Variants in EIF4ENIF1 observed in about 807,000 individuals in gnomAD.
The protein encoded by EIF4ENIF1 is eukaryotic translation initiation factor 4E transporter.
EIF4ENIF1 carries 23 observed loss-of-function variants against 110.5 expected under a neutral mutation model. The observed-to-expected ratio is 0.21, with a 90% confidence interval of 0.15 to 0.29. The LOEUF (loss-of-function observed/expected upper bound fraction) is 0.29, where lower values mean the gene tolerates loss of function less well. Among genes scored for constraint, EIF4ENIF1 ranks in the 10% least tolerant of loss-of-function variants. EIF4ENIF1 has a pLI of 1.00. For synonymous variants in EIF4ENIF1, 440 were observed against 437.0 expected, an observed-to-expected ratio of 1.01 and a Z score of -0.09; for missense variants, 1,031 against 1,221.1, an observed-to-expected ratio of 0.84 and a Z score of 2.32.
At chr22:31,479,687 GTTTTT>G (rs11321585) in intron 2 of EIF4ENIF1, among the ~76,000 whole-genome samples, 2 of 124,834 alleles carry the variant, frequency 1.6e-5, no homozygotes, top group Admixed American at 1.7e-4. Flanking sequence ...TTGGAAAGGT[GTTTTT>G]TTTTTTTTTT....
chr22:31,470,628 C>T (rs2051342369), intron 3 of EIF4ENIF1, among the ~76,000 whole-genome samples: 1 of 148,452 alleles, frequency 6.7e-6, no homozygotes, highest in South Asian at 2.1e-4. Flanking sequence ...TATTAGCCTA[C>T]ATTTTTTTTA....
At chr22:31,443,419 T>TCTGTGAAAG (rs695368) in intron 15 of EIF4ENIF1, 2 of 222,112 alleles carry the variant, frequency 9.0e-6, no homozygotes, top group East Asian at 1.1e-4. Flanking sequence ...AGACCTTCCT[T>TCTGTGAAAG]GACATTTCAA....
intron 2 of EIF4ENIF1, among the ~76,000 whole-genome samples, chr22:31,481,025 ACT>A (rs2051796559): frequency 6.6e-6 from 1 of 152,234 alleles, no homozygotes; most frequent in Admixed American, 6.5e-5. Flanking sequence ...ATCGTGCAAG[ACT>A]CTGTCTCAAC....
chr22:31,462,683 A>G (rs1257713321), intron 6 of EIF4ENIF1, among the ~76,000 whole-genome samples: 1 of 152,056 alleles, frequency 6.6e-6, no homozygotes, highest in African/African-American at 2.4e-5. Flanking sequence ...TCCCAGGTTC[A>G]AGCAATTCTT....
intron 15 of EIF4ENIF1, chr22:31,443,343 G>C (rs1175234081): frequency 1.1e-5 from 4 of 373,844 alleles, no homozygotes; most frequent in Non-Finnish European, 1.9e-5. Context: ...CTGCGTCACA[G>C]ATTTCCCAGC....
In EIF4ENIF1 at chr22:31,439,706, G is replaced by A. The variant is rs2050232786; in HGVS notation, c.*174C>T. On this transcript the variant is annotated 3_prime_UTR_variant, in exon 19 of 19. Coordinates refer to ENST00000330125, the MANE Select transcript of EIF4ENIF1 (RefSeq NM_019843.4). ...TATTCAGACAATGTACACTCCACTCGACTGGTTAAGATCCTTCCATCATAA... is the reference window on the plus strand; with the variant it reads ...TATTCAGACAATGTACACTCCACTCAACTGGTTAAGATCCTTCCATCATAA... The A allele has an allele frequency of 1.2e-6, 1 of 839,582 alleles. No homozygotes were observed. Among genetic ancestry groups the A allele is most frequent in the Non-Finnish European group, 1.8e-6 (1 of 559,618 alleles). 52.0% of individuals were successfully genotyped at this position (839,582 alleles called of 1,614,324 possible).
At chr22:31,487,793 C>CAAAAAAAAAAAA (rs35367724) in intron 2 of EIF4ENIF1, among the ~76,000 whole-genome samples, 1 of 69,012 alleles carries the variant, frequency 1.4e-5, no homozygotes, top group Non-Finnish European at 3.0e-5. Context: ...CTGTCGGGTG[C>CAAAAAAAAAAAA]AAAAAAAAAA....
chr22:31,462,459 C>T lies in EIF4ENIF1; in HGVS notation c.787+473G>A, dbSNP rs540404160. 4.4e-3 allele frequency among the ~76,000 whole-genome samples: 648 copies of T among 148,500 alleles called. 3 individuals are homozygous for T. Among genetic ancestry groups the T allele is most frequent in the African/African-American group, 0.015 (606 of 40,354 alleles). On this transcript the variant is annotated intron_variant, in intron 6 of 18. Coordinates refer to ENST00000330125, the MANE Select transcript of EIF4ENIF1 (RefSeq NM_019843.4). ...GAGATGGTGCCACTGCACTCCAGCC[C>T]GGGCAACTGAGCGAGACTCCGTCTC...
chr22:31,442,270 G>C, intron 16 of EIF4ENIF1, 152 bp from the exon 17 acceptor site: 1 of 652,574 alleles, frequency 1.5e-6, no homozygotes, highest in Admixed American at 3.0e-5. Flanking sequence ...ACCATCGTTT[G>C]CTTCATAAAC....
At chr22:31,461,085 TGG>T (rs2050977762) in intron 6 of EIF4ENIF1, among the ~76,000 whole-genome samples, 1 of 152,248 alleles carries the variant, frequency 6.6e-6, no homozygotes, top group African/African-American at 2.4e-5. Flanking sequence ...TGAGTTCTGA[TGG>T]GTACATGTGT....
chr22:31,491,715 C>T (rs1156869346), upstream of EIF4ENIF1, among the ~76,000 whole-genome samples: 2 of 152,002 alleles, frequency 1.3e-5, no homozygotes, highest in African/African-American at 2.4e-5. Context: ...TAATTTTTAA[C>T]GATTTTTTGC....
At chr22:31,453,376 C>CTTTT in intron 10 of EIF4ENIF1, 82 of 322,374 alleles carry the variant, frequency 2.5e-4, no homozygotes, top group Admixed American at 4.4e-4. Flanking sequence ...ACCCATCTTA[C>CTTTT]TTTTTTTTTT....
At chr22:31,448,110 G>A in intron 13 of EIF4ENIF1, 43 bp downstream of exon 13, 2 of 1,604,286 alleles carry the variant, frequency 1.2e-6, no homozygotes, top group Non-Finnish European at 1.7e-6. Context: ...CCAAGAGGGT[G>A]AAGGGCAAGC....
upstream of EIF4ENIF1, among the ~76,000 whole-genome samples, chr22:31,491,453 G>C (rs962971192): frequency 6.6e-6 from 1 of 152,144 alleles, no homozygotes; most frequent in Non-Finnish European, 1.5e-5. Flanking sequence ...TGTGAAACCT[G>C]AGCCAGGCAT....
At position 31,442,677 on chromosome 22, in the gene EIF4ENIF1, T is replaced by C. The variant is rs540884343; in HGVS notation, c.2206+285A>G. Among the ~76,000 whole-genome samples the C allele has an allele frequency of 3.3e-5, 5 of 152,298 alleles. No homozygotes were observed. The East Asian group carries it at 9.6e-4, about 29-fold the overall frequency. On this transcript the variant is annotated intron_variant, in intron 16 of 18. Transcript: ENST00000330125. ...TAATTTGCCAAATAAGTATACTAAT[T>C]ATTAACTTTGAAGCCTAACTAAGGA...
intron 6 of EIF4ENIF1, chr22:31,461,899 C>G (rs977209039): frequency 2.0e-5 from 3 of 152,124 alleles, no homozygotes; most frequent in African/African-American, 7.2e-5. Context: ...TACTTAAGCC[C>G]TCTGAGCCTC....
At chr22:31,438,600 T>C (rs1263331586), downstream of EIF4ENIF1, among the ~76,000 whole-genome samples, 2 of 152,176 alleles carry the variant, frequency 1.3e-5, no homozygotes. Context: ...ATAGATATCC[T>C]GGTATTAGCC....
At position 31,454,120 on chromosome 22, in the gene EIF4ENIF1, G is replaced by T. The variant is rs746103470; in HGVS notation, c.1512+24C>A. The T allele has an allele frequency of 6.9e-6, 11 of 1,589,672 alleles. No individual in the cohort carries two copies. In the South Asian group the frequency reaches 7.7e-5, roughly 11 times the overall value. ...GAAGAAAAAAAAAGGAGAAAAGGGTGGGGGGTTTGTGTCAGATACTTACGC... is the reference window on the plus strand; with the variant it reads ...GAAGAAAAAAAAAGGAGAAAAGGGTTGGGGGTTTGTGTCAGATACTTACGC... On this transcript the variant is annotated intron_variant, in intron 10 of 18. Coordinates refer to ENST00000330125, the MANE Select transcript of EIF4ENIF1 (RefSeq NM_019843.4).
chr22:31,492,417 T>G (rs755861750), upstream of EIF4ENIF1, among the ~76,000 whole-genome samples: 1 of 152,196 alleles, frequency 6.6e-6, no homozygotes, highest in Non-Finnish European at 1.5e-5. Flanking sequence ...CCCAGGGCAT[T>G]GTAGCTATCA....
Sources: gnomAD v4.1 joint callset for allele counts (sites outside exome capture counted in the v4.1 genomes callset) on GRCh38, gnomAD v4.1.1 for gene constraint, MANE v1.5 for transcripts, NCBI Gene and HGNC (gene_info 2026-07-23, HGNC 2026-07-21) for gene names.